The following GAS2L3 variants were observed in gnomAD, a reference collection of about 807,000 sequenced individuals.
GAS2L3 encodes GAS2-like protein 3.
Under a neutral mutation model 37.0 loss-of-function variants are expected in GAS2L3, and 28 were observed. The observed-to-expected ratio is 0.76, with a 90% CI of 0.56 to 1.04. The LOEUF (loss-of-function observed/expected upper bound fraction) is 1.04, where lower values mean the gene tolerates loss of function less well. GAS2L3 is among the 50% of genes least tolerant of loss of function. The pLI, the probability that GAS2L3 is intolerant of heterozygous loss-of-function variation, is 0.00. For missense variants in GAS2L3, 793 were observed against 817.6 expected (o/e 0.97, Z 0.37); for synonymous variants, 290 against 296.6 (o/e 0.98, Z 0.23).
At chr12:100,586,518 G>C (rs1046231818) in intron 1 of GAS2L3, among the ~76,000 whole-genome samples, 1 of 152,160 alleles carries the variant, frequency 6.6e-6, no homozygotes, top group Non-Finnish European at 1.5e-5. Context: ...AAATTTAAAT[G>C]TCATTTGAAC....
intron 4 of GAS2L3, among the ~76,000 whole-genome samples, chr12:100,601,397 T>G (rs1272923789): frequency 2.0e-5 from 3 of 152,106 alleles, no homozygotes; most frequent in African/African-American, 7.2e-5. Flanking sequence ...TATTTCATTT[T>G]AAATGAAATA....
chr12:100,585,961 T>C (rs914688657), intron 1 of GAS2L3, among the ~76,000 whole-genome samples: 1 of 152,178 alleles, frequency 6.6e-6, no homozygotes, highest in Non-Finnish European at 1.5e-5. Flanking sequence ...TTTTCCTACA[T>C]ATTCATCCAC....
Position 100,623,904 on chromosome 12 carries a change from A to G in GAS2L3, c.1099A>G (p.Met367Val). ...ACTGAAAGGAGGTAATCTGGGCTCT[A>G]TGTCAGTCCGTTCTAAATTGCCAAA... ...SSLKGGNLGSMSVRSKLPNSP... is the reference protein window; with the variant it reads ...SSLKGGNLGSVSVRSKLPNSP... The change falls in exon 10 of 10, where the codon ATG (methionine) becomes GTG (valine). Residue 367 changes from methionine (M) to valine (V), a missense_variant. Coordinates refer to ENST00000547754, the MANE Select transcript of GAS2L3 (RefSeq NM_174942.3). 1 of 1,614,106 alleles carries G rather than the reference A, an allele frequency of 6.2e-7. No homozygotes were observed. The highest frequency in any genetic ancestry group is 1.1e-5 in the South Asian group (1 of 91,072).
chr12:100,574,931 G>C (rs1955616537), intron 1 of GAS2L3, among the ~76,000 whole-genome samples: 1 of 151,722 alleles, frequency 6.6e-6, no homozygotes, highest in Admixed American at 6.6e-5. Flanking sequence ...GAAACCAACT[G>C]TCATTGAACA....
At chr12:100,608,043 T>C (rs1020727283) in intron 5 of GAS2L3, among the ~76,000 whole-genome samples, 9 of 152,048 alleles carry the variant, frequency 5.9e-5, no homozygotes, top group African/African-American at 2.2e-4. Context: ...TTGTGTCCAT[T>C]GTTCTTGGGA....
chr12:100,622,554 A>C (rs377552986), intron 9 of GAS2L3, among the ~76,000 whole-genome samples, 172 bp downstream of exon 9: 2 of 115,076 alleles, frequency 1.7e-5, no homozygotes, highest in East Asian at 6.2e-4. Context: ...ATGAGTATAT[A>C]ATGAGTTTAG....
At chr12:100,591,939 T>C (rs1392718982) in intron 2 of GAS2L3, 83 bp downstream of exon 2, 1 of 152,132 alleles carries the variant, frequency 6.6e-6, no homozygotes, top group East Asian at 1.9e-4. Flanking sequence ...TATTAGGCAG[T>C]TAGGAAACAT....
chr12:100,612,748 C>T (rs899116573), intron 6 of GAS2L3, among the ~76,000 whole-genome samples: 1 of 152,142 alleles, frequency 6.6e-6, no homozygotes, highest in African/African-American at 2.4e-5. Context: ...TACACACACA[C>T]ACCCACCACC....
intron 7 of GAS2L3, 148 bp from the exon 8 acceptor site, chr12:100,618,301 A>G: frequency 1.3e-6 from 1 of 760,508 alleles, no homozygotes; most frequent in Admixed American, 3.1e-5. Context: ...TCTGTGAGAC[A>G]TTAAAAAGCA....
At position 100,624,428 on chromosome 12, in the gene GAS2L3, T is replaced by C. The variant is rs373072606; in HGVS notation, c.1623T>C (p.Asp541=). ...TAGGAACACAGTCTCAACCATCCGA[T>C]GGAGCCCCACAAGCAAAGCCAGTCC... The part of the protein sequence containing the change: ...TGLGTQSQPS[D]GAPQAKPVPA... The change falls in exon 10 of 10, where the codon GAT becomes GAC. Residue 541 remains aspartate, a synonymous_variant. Transcript: ENST00000547754. The C allele has an allele frequency of 7.0e-5, 113 of 1,613,906 alleles. 1 individual carries two copies. In the Middle Eastern group the frequency reaches 2.3e-3, roughly 33 times the overall value.
chr12:100,610,295 A>AT, intron 5 of GAS2L3, among the ~76,000 whole-genome samples: 1 of 152,356 alleles, frequency 6.6e-6, no homozygotes, highest in East Asian at 1.9e-4. Context: ...AATATTATAC[A>AT]TTCATTGGAA....
At chr12:100,584,627 G>A (rs1955755388) in intron 1 of GAS2L3, among the ~76,000 whole-genome samples, 1 of 151,504 alleles carries the variant, frequency 6.6e-6, no homozygotes, top group Non-Finnish European at 1.5e-5. Context: ...AGGCTGGAGT[G>A]CAGTGGTACA....
At chr12:100,621,383 T>C (rs1956249886) in intron 8 of GAS2L3, among the ~76,000 whole-genome samples, 1 of 152,106 alleles carries the variant, frequency 6.6e-6, no homozygotes. Flanking sequence ...GTTTTAAATA[T>C]AGAATTCTTA....
intron 5 of GAS2L3, among the ~76,000 whole-genome samples, chr12:100,607,209 G>A (rs1301729612): frequency 6.6e-6 from 1 of 152,032 alleles, no homozygotes; most frequent in Non-Finnish European, 1.5e-5. Flanking sequence ...CTATTCTAGG[G>A]CAAAAGTTTT....
Position 100,576,514 on chromosome 12 carries a change from C to T in GAS2L3, c.-152+2729C>T, listed in dbSNP as rs573087119. 5.9e-5 allele frequency among the ~76,000 whole-genome samples: 9 copies of T among 152,194 alleles called. No homozygotes were observed. In the East Asian group the frequency reaches 1.7e-3, roughly 29 times the overall value. On this transcript the variant is annotated intron_variant, in intron 1 of 9. Transcript: ENST00000547754. ...TAGAATGATATTAGATATACCTTTA[C>T]AGATCTAATGAGTCATGCAATGGAC...
In GAS2L3 at chr12:100,609,472, T is replaced by C. The variant is rs140586098; in HGVS notation, c.304-2528T>C. Among the ~76,000 whole-genome samples the C allele has an allele frequency of 1.5e-3, 235 of 152,238 alleles. 1 individual carries two copies. The highest frequency in any genetic ancestry group is 5.4e-3 in the African/African-American group (224 of 41,554). On this transcript the variant is annotated intron_variant, in intron 5 of 9. Transcript: ENST00000547754. Reference sequence around the variant, plus strand: ...TCCCTGTCTCCCAAGTGCACAGCTTTCTTTGCACCTTATGGCTGCTGCCAG... The same window carrying C: ...TCCCTGTCTCCCAAGTGCACAGCTTCCTTTGCACCTTATGGCTGCTGCCAG...
chr12:100,583,060 T>C (rs1955733614), intron 1 of GAS2L3, among the ~76,000 whole-genome samples: 1 of 152,220 alleles, frequency 6.6e-6, no homozygotes, highest in African/African-American at 2.4e-5. Context: ...GAGAGGGTTC[T>C]TGGATCTCAT....
At chr12:100,617,911 A>G (rs1956207272) in intron 7 of GAS2L3, 104 bp downstream of exon 7, 9 of 668,730 alleles carry the variant, frequency 1.3e-5, no homozygotes, top group Non-Finnish European at 2.6e-6. Flanking sequence ...AATGCTTTAA[A>G]TGAACTATTT....
chr12:100,582,000 A>G (rs987363522), intron 1 of GAS2L3, among the ~76,000 whole-genome samples: 11 of 152,236 alleles, frequency 7.2e-5, no homozygotes, highest in African/African-American at 2.7e-4. Context: ...CATAAATCTT[A>G]ATTTTCAACT....
Sources: allele counts gnomAD v4.1 joint callset (sites outside exome capture counted in the v4.1 genomes callset), GRCh38; gene constraint gnomAD v4.1.1; transcripts MANE v1.5; gene names NCBI Gene and HGNC (gene_info 2026-07-23, HGNC 2026-07-21).